Variants in NLGN4Y observed in about 807,000 individuals in gnomAD.
The protein encoded by NLGN4Y is neuroligin-4, Y-linked.
NLGN4Y carries 4 observed loss-of-function variants against 8.4 expected under a neutral mutation model. The ratio of observed to expected loss-of-function variants is 0.48; its 90% CI spans 0.23 to 1.09. NLGN4Y has a LOEUF of 1.09. Among genes scored for constraint, NLGN4Y ranks in the 50% least tolerant of loss-of-function variants. The probability of loss-of-function intolerance (pLI) is 0.19; values close to 1 mark genes in which losing one functional copy is unlikely to be tolerated. For missense variants in NLGN4Y, 90 were observed against 192.3 expected (o/e 0.47, Z 3.15); for synonymous variants, 35 against 75.6 (o/e 0.46, Z 2.78).
intron 2 of NLGN4Y, among the ~76,000 whole-genome samples, chrY:14,658,312 A>G: frequency 3.0e-5 from 1 of 33,842 alleles, no homozygotes; most frequent in African/African-American, 1.2e-4. Context: ...CCAGATTATC[A>G]ATGTATTTGT....
intron 1 of NLGN4Y, among the ~76,000 whole-genome samples, chrY:14,547,844 G>A: frequency 3.0e-5 from 1 of 33,302 alleles, no homozygotes; most frequent in Non-Finnish European, 7.4e-5. Flanking sequence ...TGAGGAAATG[G>A]GGAAGGAATG....
intron 1 of NLGN4Y, among the ~76,000 whole-genome samples, chrY:14,528,436 C>A: frequency 3.1e-5 from 1 of 32,129 alleles, no homozygotes. Flanking sequence ...AAGAAACTTA[C>A]AATTATGGGA....
intron 2 of NLGN4Y, among the ~76,000 whole-genome samples, chrY:14,625,615 A>C (rs961054725): frequency 6.0e-5 from 2 of 33,085 alleles, no homozygotes; most frequent in Admixed American, 2.8e-4. Context: ...CTGAGTGACT[A>C]TTTTGAAGAA....
At chrY:14,819,019 T>TA (rs2043112612) in intron 4 of NLGN4Y, among the ~76,000 whole-genome samples, 2 of 33,347 alleles carry the variant, frequency 6.0e-5, no homozygotes, top group East Asian at 8.1e-4. Flanking sequence ...GGGGAATATA[T>TA]TTTCTTAAGG....
chrY:14,654,578 T>C (rs758750617), intron 2 of NLGN4Y, among the ~76,000 whole-genome samples: 1 of 32,292 alleles, frequency 3.1e-5, no homozygotes, highest in Middle Eastern at 0.019. Context: ...ATTATTATAC[T>C]CCTTTTTTGC....
intron 1 of NLGN4Y, among the ~76,000 whole-genome samples, chrY:14,613,324 A>ATGG (rs2080475891): frequency 3.0e-5 from 1 of 33,073 alleles, no homozygotes; most frequent in Non-Finnish European, 7.5e-5. Context: ...CTGCGGTTCC[A>ATGG]GGCAGAACTG....
intron 4 of NLGN4Y, among the ~76,000 whole-genome samples, chrY:14,728,708 A>T (rs775251874): frequency 1.2e-4 from 4 of 33,671 alleles, no homozygotes; most frequent in Non-Finnish European, 2.2e-4. Context: ...GAGTTGTCAA[A>T]TTCATAGAGA....
chrY:14,628,416 G>T (rs2080537070), intron 2 of NLGN4Y, among the ~76,000 whole-genome samples: 1 of 33,855 alleles, frequency 3.0e-5, no homozygotes, highest in African/African-American at 1.2e-4. Flanking sequence ...AATATAAACA[G>T]ACGTGACATG....
chrY:14,561,013 T>C, intron 1 of NLGN4Y, among the ~76,000 whole-genome samples: 3 of 33,280 alleles, frequency 9.0e-5, no homozygotes, highest in Admixed American at 8.3e-4. Flanking sequence ...GATTTTTAAA[T>C]ATATTGTCTG....
intron 1 of NLGN4Y, among the ~76,000 whole-genome samples, chrY:14,573,076 G>A: frequency 1.8e-4 from 6 of 33,082 alleles, no homozygotes; most frequent in African/African-American, 5.9e-4. Flanking sequence ...TTGTGACTCT[G>A]CCAGGCTTTG....
intron 4 of NLGN4Y, among the ~76,000 whole-genome samples, chrY:14,800,470 A>G (rs2043026353): frequency 3.2e-5 from 1 of 31,573 alleles, no homozygotes; most frequent in Non-Finnish European, 7.6e-5. Flanking sequence ...AATTGCCTCC[A>G]AGCACTTTGG....
chrY:14,573,089 G>T (rs78063587), intron 1 of NLGN4Y, among the ~76,000 whole-genome samples: 1 of 33,194 alleles, frequency 3.0e-5, no homozygotes, highest in East Asian at 7.9e-4. Context: ...AGGCTTTGTT[G>T]TCAGGATGAT....
At chrY:14,763,639 A>G (rs2081086989) in intron 4 of NLGN4Y, among the ~76,000 whole-genome samples, 1 of 33,851 alleles carries the variant, frequency 3.0e-5, no homozygotes, top group Non-Finnish European at 7.4e-5. Flanking sequence ...CATTAGGACT[A>G]CTCATTTGTC....
chrY:14,751,634 T>G, intron 4 of NLGN4Y: 1 of 32,010 alleles, frequency 3.1e-5, no homozygotes, highest in Non-Finnish European at 7.5e-5. Context: ...TTTCTTCTTA[T>G]GTTTTTTGTT....
At chrY:14,665,788 G>A in intron 2 of NLGN4Y, among the ~76,000 whole-genome samples, 1 of 32,974 alleles carries the variant, frequency 3.0e-5, no homozygotes, top group Admixed American at 2.8e-4. Flanking sequence ...ATAAAAATAT[G>A]CCAGCCATTT....
intron 4 of NLGN4Y, among the ~76,000 whole-genome samples, chrY:14,813,751 T>G: frequency 3.2e-4 from 11 of 33,880 alleles, no homozygotes; most frequent in Non-Finnish European, 7.3e-4. Flanking sequence ...TTTTTGTGGT[T>G]GTTGTTCCTT....
chrY:14,541,872 G>A (rs2080150433), intron 1 of NLGN4Y, among the ~76,000 whole-genome samples: 1 of 33,558 alleles, frequency 3.0e-5, no homozygotes, highest in African/African-American at 1.2e-4. Flanking sequence ...AAAGACCATT[G>A]ACACTATGAA....
At chrY:14,597,207 C>T (rs2080405000) in intron 1 of NLGN4Y, among the ~76,000 whole-genome samples, 1 of 32,446 alleles carries the variant, frequency 3.1e-5, no homozygotes, top group African/African-American at 1.2e-4. Context: ...TCGCTGGGCT[C>T]AGGAGTGAAG....
chrY:14,841,335 G>T lies in NLGN4Y; in HGVS notation c.*73G>T. On this transcript the variant is annotated 3_prime_UTR_variant, in exon 7 of 7. Transcript: ENST00000684976. ...TGTAAAAGAGACAAATAAGGAGAAA[G>T]AAAATCTCCAAACCAGGAATGTTTT... 1.4e-5 allele frequency: 5 copies of T among 361,023 alleles called. No individual in the cohort carries two copies. The highest frequency in any genetic ancestry group is 2.0e-5 in the Non-Finnish European group (5 of 253,538). 90.1% of individuals were successfully genotyped at this position (361,023 alleles called of 400,897 possible).
Sources: allele counts gnomAD v4.1 joint callset (sites outside exome capture counted in the v4.1 genomes callset), GRCh38; gene constraint gnomAD v4.1.1; transcripts MANE v1.5; gene names NCBI Gene and HGNC (gene_info 2026-07-23, HGNC 2026-07-21).